The following NFIA variants were observed in gnomAD, a reference collection of about 807,000 sequenced individuals.
NFIA encodes the protein nuclear factor I A.
A neutral mutation model predicts 62.8 loss-of-function variants in NFIA; 8 were observed. That is an observed-to-expected ratio of 0.13 (90% CI 0.07 to 0.23). The LOEUF is 0.23. Ranked by LOEUF, NFIA falls within the 10% of genes least tolerant of loss-of-function variation. The pLI is 1.00. For missense variants in NFIA, 410 were observed against 642.1 expected (o/e 0.64, Z 3.91); for synonymous variants, 235 against 238.1 (o/e 0.99, Z 0.12).
At chr1:61,205,082 T>C (rs577230345) in intron 2 of NFIA, among the ~76,000 whole-genome samples, 306 of 152,354 alleles carry the variant, frequency 2.0e-3, no homozygotes, top group African/African-American at 6.9e-3. Context: ...AGGTACTTAA[T>C]GGCTATCCTA....
intron 2 of NFIA, among the ~76,000 whole-genome samples, chr1:61,101,879 A>G (rs1359159239): frequency 1.3e-5 from 2 of 152,218 alleles, no homozygotes; most frequent in African/African-American, 4.8e-5. Context: ...ATGTGTGTGG[A>G]TGGTGATAGA....
At chr1:61,137,036 C>G (rs538187095) in intron 2 of NFIA, among the ~76,000 whole-genome samples, 44 of 152,206 alleles carry the variant, frequency 2.9e-4, no homozygotes, top group Middle Eastern at 6.8e-3. Context: ...GCAAACTGTC[C>G]TATAAATATG....
intron 9 of NFIA, among the ~76,000 whole-genome samples, chr1:61,419,683 CAG>C: frequency 6.6e-6 from 1 of 152,292 alleles, no homozygotes; most frequent in East Asian, 1.9e-4. Context: ...GAAATACTAA[CAG>C]AGCAAAGCCA....
chr1:61,358,314 G>T, intron 5 of NFIA, among the ~76,000 whole-genome samples: 1 of 103,186 alleles, frequency 9.7e-6, no homozygotes. Flanking sequence ...GTGGAAGATG[G>T]GAAAATGTGG....
chr1:61,390,390 G>A (rs1390104862), intron 7 of NFIA, among the ~76,000 whole-genome samples: 1 of 151,612 alleles, frequency 6.6e-6, no homozygotes, highest in Non-Finnish European at 1.5e-5. Flanking sequence ...CTGAAAATAC[G>A]CCTAAGATAC....
chr1:61,192,118 C>G (rs1365286116), intron 2 of NFIA, among the ~76,000 whole-genome samples: 1 of 152,072 alleles, frequency 6.6e-6, no homozygotes, highest in Admixed American at 6.5e-5. Flanking sequence ...GACACCACAC[C>G]TGGCTAATTT....
At chr1:61,358,852 G>A (rs1233004829) in intron 5 of NFIA, among the ~76,000 whole-genome samples, 1 of 152,198 alleles carries the variant, frequency 6.6e-6, no homozygotes, top group Non-Finnish European at 1.5e-5. Flanking sequence ...TCCAGGTGGA[G>A]GCAGGAGCTA....
chr1:61,359,156 G>A lies in NFIA; in HGVS notation c.828G>A (p.Lys276=). ...CCATTTGTTATTTCAGCTCCACAAA[G>A]CGCCTCAAGTCTGTGGAGGATGAAA... ...LPSTSSTSST[K]RLKSVEDEMD... The change falls in exon 6 of 11, where the codon AAG becomes AAA. Residue 276 remains lysine, a synonymous_variant. Transcript: ENST00000403491. The A allele has an allele frequency of 6.2e-7, 1 of 1,613,200 alleles. No homozygotes were observed. The highest frequency in any genetic ancestry group is 1.1e-5 in the South Asian group (1 of 91,016).
At chr1:61,336,877 A>T (rs898310467) in intron 4 of NFIA, among the ~76,000 whole-genome samples, 1 of 152,354 alleles carries the variant, frequency 6.6e-6, no homozygotes, top group South Asian at 2.1e-4. Context: ...TTTCACAGTC[A>T]TCATTAATGA....
intron 9 of NFIA, among the ~76,000 whole-genome samples, chr1:61,417,934 G>A (rs192521080): frequency 1.3e-3 from 200 of 152,242 alleles, no homozygotes; most frequent in South Asian, 5.2e-3. Flanking sequence ...CTGGGAGATT[G>A]GAGTAATGTC....
chr1:61,105,152 T>C (rs1158661574), intron 2 of NFIA, among the ~76,000 whole-genome samples: 1 of 151,972 alleles, frequency 6.6e-6, no homozygotes, highest in African/African-American at 2.4e-5. Flanking sequence ...AATTCCATGT[T>C]TCTGAAGTGT....
chr1:61,386,114 G>T (rs1334984785), intron 7 of NFIA, among the ~76,000 whole-genome samples: 1 of 152,164 alleles, frequency 6.6e-6, no homozygotes, highest in African/African-American at 2.4e-5. Flanking sequence ...TTTGCTGTGG[G>T]TACTGTAATT....
intron 2 of NFIA, among the ~76,000 whole-genome samples, chr1:61,112,928 T>C (rs1205496285): frequency 1.3e-5 from 2 of 152,242 alleles, no homozygotes; most frequent in Middle Eastern, 3.4e-3. Context: ...ATTTTTATAG[T>C]GACTGTGGAT....
intron 6 of NFIA, among the ~76,000 whole-genome samples, chr1:61,365,673 T>C (rs1240594604): frequency 4.6e-5 from 7 of 152,174 alleles, no homozygotes; most frequent in Non-Finnish European, 4.4e-5. Flanking sequence ...CTAGAGTAGA[T>C]ACAGAGAGGA....
At chr1:61,353,782 T>C (rs1662680890) in intron 5 of NFIA, among the ~76,000 whole-genome samples, 1 of 152,178 alleles carries the variant, frequency 6.6e-6, no homozygotes, top group Non-Finnish European at 1.5e-5. Flanking sequence ...ATCTTTCATG[T>C]TGTTTAAATG....
chr1:61,364,550 G>C (rs1212959711), intron 6 of NFIA, among the ~76,000 whole-genome samples: 1 of 152,144 alleles, frequency 6.6e-6, no homozygotes, highest in South Asian at 2.1e-4. Context: ...CAGAACAATT[G>C]CTTAGGCTCA....
chr1:61,306,799 A>G (rs146114317), intron 3 of NFIA, among the ~76,000 whole-genome samples: 27 of 152,306 alleles, frequency 1.8e-4, no homozygotes, highest in African/African-American at 6.0e-4. Flanking sequence ...GAGTTATTCT[A>G]TAGGAACAGC....
At chr1:61,173,606 T>G (rs577911850) in intron 2 of NFIA, among the ~76,000 whole-genome samples, 4 of 152,066 alleles carry the variant, frequency 2.6e-5, no homozygotes, top group Non-Finnish European at 4.4e-5. Context: ...GCCAGGCTAG[T>G]CTCGAACTGC....
intron 3 of NFIA, among the ~76,000 whole-genome samples, chr1:61,281,077 T>C (rs1658098554): frequency 6.6e-6 from 1 of 151,852 alleles, no homozygotes; most frequent in Admixed American, 6.6e-5. Flanking sequence ...CCGTCTCTAC[T>C]AAAAATACAA....
Sources: allele counts gnomAD v4.1 joint callset (sites outside exome capture counted in the v4.1 genomes callset), GRCh38; gene constraint gnomAD v4.1.1; transcripts MANE v1.5; gene names NCBI Gene and HGNC (gene_info 2026-07-23, HGNC 2026-07-21).